Variants in ZNF385D observed in about 807,000 individuals in gnomAD.
ZNF385D encodes zinc finger protein 659.
In ZNF385D, 15 loss-of-function variants were observed where a neutral mutation model predicts 35.8. The ratio of observed to expected loss-of-function variants is 0.42; its 90% confidence interval spans 0.28 to 0.64. The LOEUF is 0.64. Ranked by LOEUF, ZNF385D falls within the 30% of genes least tolerant of loss-of-function variation. The pLI, the probability that ZNF385D is intolerant of heterozygous loss-of-function variation, is 0.23. For synonymous variants in ZNF385D, 212 were observed against 186.8 expected, an observed-to-expected ratio of 1.13 and a Z score of -1.10; for missense variants, 474 against 494.6, an observed-to-expected ratio of 0.96 and a Z score of 0.39.
chr3:22,347,927 G>A (rs1268498410), intron 2 of ZNF385D, among the ~76,000 whole-genome samples: 1 of 152,072 alleles, frequency 6.6e-6, no homozygotes, highest in Admixed American at 6.5e-5. Flanking sequence ...ATCTAGAGTT[G>A]CCTTCAATAT....
intron 2 of ZNF385D, among the ~76,000 whole-genome samples, chr3:21,630,630 C>T (rs544679299): frequency 3.0e-4 from 45 of 152,222 alleles, no homozygotes; most frequent in African/African-American, 1.0e-3. Context: ...CTCTGCACAT[C>T]TGTAAAATAG....
chr3:22,319,486 T>C (rs537069506), intron 2 of ZNF385D, among the ~76,000 whole-genome samples: 2 of 152,082 alleles, frequency 1.3e-5, no homozygotes, highest in African/African-American at 2.4e-5. Context: ...CTGGGAAACT[T>C]TGGGGAAAAG....
intron 3 of ZNF385D, among the ~76,000 whole-genome samples, chr3:21,921,222 C>CA (rs11387962): frequency 0.15 from 10,481 of 68,828 alleles, 1,246 homozygotes; most frequent in South Asian, 0.3. Flanking sequence ...GACTCCATCT[C>CA]AAAAAAAAAA....
intron 1 of ZNF385D, among the ~76,000 whole-genome samples, chr3:21,743,094 G>A (rs1329114442): frequency 6.6e-6 from 1 of 152,146 alleles, no homozygotes; most frequent in African/African-American, 2.4e-5. Flanking sequence ...ACAAATGTGA[G>A]ATGACTTTCC....
intron 2 of ZNF385D, among the ~76,000 whole-genome samples, chr3:22,225,798 A>T (rs1698518815): frequency 6.6e-6 from 1 of 152,212 alleles, no homozygotes; most frequent in South Asian, 2.1e-4. Flanking sequence ...CACTCATCTC[A>T]GATATAGTAA....
chr3:21,768,751 T>C (rs544757933), intron 3 of ZNF385D, among the ~76,000 whole-genome samples: 1 of 152,078 alleles, frequency 6.6e-6, no homozygotes, highest in East Asian at 2.0e-4. Context: ...TGTACTTCCC[T>C]CCATTGTTAC....
At chr3:21,972,385 A>C (rs534488280) in intron 3 of ZNF385D, among the ~76,000 whole-genome samples, 34 of 151,996 alleles carry the variant, frequency 2.2e-4, no homozygotes, top group Non-Finnish European at 4.6e-4. Context: ...TCTTGAAGCA[A>C]ATAAAAATGG....
chr3:22,175,348 C>A (rs17029466), intron 2 of ZNF385D, among the ~76,000 whole-genome samples: 66,865 of 151,740 alleles, frequency 0.44, 17,297 homozygotes, highest in African/African-American at 0.72. Context: ...ATACTGTACT[C>A]ATGTCATGGG....
In ZNF385D at chr3:22,333,000, A is replaced by C. The variant is rs1695007886; in HGVS notation, c.106+39450T>G. 2.6e-5 allele frequency among the ~76,000 whole-genome samples: 4 copies of C among 152,218 alleles called. No homozygotes were observed. In the South Asian group the frequency reaches 8.3e-4, roughly 32 times the overall value. Reference sequence around the variant, plus strand: ...AGTTCTTTCAGAGAAGGCCTGCTGGAAACAGGTTCTCATACATTTTCTTCA... The same window carrying C: ...AGTTCTTTCAGAGAAGGCCTGCTGGCAACAGGTTCTCATACATTTTCTTCA... On this transcript the variant is annotated intron_variant, in intron 2 of 5. Transcript: ENST00000494108.
chr3:21,675,671 C>T (rs1278062134), intron 1 of ZNF385D, among the ~76,000 whole-genome samples: 4 of 151,954 alleles, frequency 2.6e-5, no homozygotes, highest in South Asian at 4.1e-4. Flanking sequence ...TACTAAGAGG[C>T]GATCATTTGT....
intron 3 of ZNF385D, among the ~76,000 whole-genome samples, chr3:21,808,436 C>G (rs1159904945): frequency 6.6e-6 from 1 of 152,124 alleles, no homozygotes; most frequent in Non-Finnish European, 1.5e-5. Context: ...AACTGCTGAC[C>G]ATCTCTGCTC....
chr3:21,769,703 C>A (rs1488592723), intron 3 of ZNF385D, among the ~76,000 whole-genome samples: 1 of 113,654 alleles, frequency 8.8e-6, no homozygotes, highest in Non-Finnish European at 1.8e-5. Context: ...ATCAAGCTCC[C>A]AATGACTTTC....
At chr3:21,480,473 A>G (rs1277922812) in intron 4 of ZNF385D, among the ~76,000 whole-genome samples, 1 of 152,172 alleles carries the variant, frequency 6.6e-6, no homozygotes, top group African/African-American at 2.4e-5. Context: ...GAGTTGCTTG[A>G]TTTGGCAGTA....
At chr3:21,548,319 T>G (rs1007042355) in intron 3 of ZNF385D, among the ~76,000 whole-genome samples, 1 of 152,218 alleles carries the variant, frequency 6.6e-6, no homozygotes, top group African/African-American at 2.4e-5. Context: ...TTTCTGGTTT[T>G]GAGTGCTTCT....
intron 3 of ZNF385D, among the ~76,000 whole-genome samples, chr3:21,965,736 T>G (rs1349768336): frequency 6.6e-6 from 1 of 152,214 alleles, no homozygotes; most frequent in Admixed American, 6.5e-5. Flanking sequence ...TGTTGATAAC[T>G]TCTGTGGTAA....
intron 3 of ZNF385D, among the ~76,000 whole-genome samples, chr3:21,825,810 C>A (rs1257165591): frequency 6.6e-6 from 1 of 152,182 alleles, no homozygotes; most frequent in Admixed American, 6.5e-5. Flanking sequence ...CAGAACCAGT[C>A]CCTCGCTTGT....
intron 2 of ZNF385D, among the ~76,000 whole-genome samples, chr3:22,359,282 C>A (rs1338747477): frequency 6.6e-6 from 1 of 151,680 alleles, no homozygotes; most frequent in Non-Finnish European, 1.5e-5. Context: ...TATTATGCTA[C>A]ATTCAAGAGG....
rs538624620 is a variant in ZNF385D at position 21,848,770 on chromosome 3, G to C, written c.326-183742C>G. Among the ~76,000 whole-genome samples, 42 of 152,130 alleles carry C rather than the reference G, an allele frequency of 2.8e-4. 1 individual carries two copies. Among genetic ancestry groups the C allele is most frequent in the Admixed American group, 1.4e-3 (21 of 15,266 alleles). On this transcript the variant is annotated intron_variant, in intron 3 of 5. Coordinates refer to the ZNF385D transcript ENST00000494108. ...AAGCCTCCCAACAAAGAAAAGTCCAGGACCATATGGCTTCACTGGTGAATT... is the reference window on the plus strand; with the variant it reads ...AAGCCTCCCAACAAAGAAAAGTCCACGACCATATGGCTTCACTGGTGAATT...
At chr3:21,703,269 T>A (rs2067762164) in intron 1 of ZNF385D, among the ~76,000 whole-genome samples, 1 of 152,102 alleles carries the variant, frequency 6.6e-6, no homozygotes, top group Non-Finnish European at 1.5e-5. Flanking sequence ...AAACCCCTGA[T>A]AAAACCATCA....
Sources: gnomAD v4.1 joint callset for allele counts (sites outside exome capture counted in the v4.1 genomes callset) on GRCh38, gnomAD v4.1.1 for gene constraint, MANE v1.5 for transcripts, NCBI Gene and HGNC (gene_info 2026-07-23, HGNC 2026-07-21) for gene names.